NUP205: variants seen among roughly 807,000 people sequenced by gnomAD.
NUP205 encodes nuclear pore complex protein Nup205.
A neutral mutation model predicts 253.8 loss-of-function variants in NUP205; 76 were observed. The observed-to-expected ratio is 0.30, with a 90% CI of 0.25 to 0.36. The LOEUF (loss-of-function observed/expected upper bound fraction) is 0.36. Among genes scored for constraint, NUP205 ranks in the 10% least tolerant of loss-of-function variants. NUP205 has a pLI of 1.00. For synonymous variants in NUP205, 832 were observed against 850.1 expected (o/e 0.98, Z 0.37); for missense variants, 2,162 against 2,425.5 (o/e 0.89, Z 2.28).
Position 135,622,786 on chromosome 7 carries a change from C to A in NUP205, c.4340C>A (p.Thr1447Asn). Residue 1447 changes from threonine to asparagine, a missense_variant, in exon 31 of 43, where the codon ACC (threonine) becomes AAC (asparagine). Coordinates refer to ENST00000285968, the MANE Select transcript of NUP205 (RefSeq NM_015135.3). ...GTTTTAATCCTTTTAGCCAAGAAAA[C>A]CATGTGGGAAAGGCTGACAGCCCCT... Reference protein sequence around the residue: ...EPDTLEAAKKTMWERLTAPED... With the variant: ...EPDTLEAAKKNMWERLTAPED... 1 of 1,612,846 alleles carries A rather than the reference C, an allele frequency of 6.2e-7. No homozygotes were observed. Among genetic ancestry groups the A allele is most frequent in the Non-Finnish European group, 8.5e-7 (1 of 1,179,612 alleles).
Position 135,585,014 on chromosome 7 carries a change from G to C in NUP205, c.1218+7G>C, listed in dbSNP as rs1374667672. On this transcript the variant is annotated splice_region_variant and intron_variant, in intron 8 of 42. Coordinates refer to ENST00000285968, the MANE Select transcript of NUP205 (RefSeq NM_015135.3). ...TGCACTTATGCCAATGAAGGTAAGT[G>C]TAATAATGTAGGATGAGTAAATAGT... is the stretch of plus-strand genomic sequence containing the variant. The C allele has an allele frequency of 1.9e-6, 3 of 1,593,698 alleles. No individual in the cohort carries two copies. The highest frequency in any genetic ancestry group is 2.6e-6 in the Non-Finnish European group (3 of 1,163,742).
chr7:135,591,353 A>G lies in NUP205; in HGVS notation c.1474-97A>G, dbSNP rs560035786. 1.3e-4 allele frequency: 133 copies of G among 994,624 alleles called. No homozygotes were observed. The African/African-American group carries it at 1.9e-3, about 14-fold the overall frequency. The allele number at this position is 994,624 out of a possible 1,614,324, so 61.6% of individuals were successfully genotyped here. The stretch of plus-strand genomic sequence containing the variant: ...TCTGTTGCGAGGGTTAAGTCAGAGC[A>G]CTACTTTTAGTTTATATGTAGTCTT... On this transcript the variant is annotated intron_variant, in intron 10 of 42. Transcript: ENST00000285968.
intron 40 of NUP205, 143 bp downstream of exon 40, chr7:135,645,161 A>T: frequency 1.0e-6 from 1 of 954,202 alleles, no homozygotes; most frequent in Non-Finnish European, 1.6e-6. Context: ...TGTATTTCCA[A>T]ATCATAGTTT....
chr7:135,560,238 C>T (rs548602412), intron 1 of NUP205, among the ~76,000 whole-genome samples: 10 of 152,166 alleles, frequency 6.6e-5, no homozygotes, highest in African/African-American at 1.7e-4. Context: ...TCAGGTGATC[C>T]GCCTACCTCG....
intron 30 of NUP205, 118 bp from the exon 31 acceptor site, chr7:135,622,659 T>A: frequency 4.2e-6 from 4 of 955,032 alleles, no homozygotes; most frequent in Non-Finnish European, 6.1e-6. Flanking sequence ...GATGGAAGGA[T>A]TTTTTTGTTG....
At chr7:135,585,099 T>C (rs1045416577) in intron 8 of NUP205, 92 bp downstream of exon 8, 4 of 1,088,148 alleles carry the variant, frequency 3.7e-6, no homozygotes, top group Non-Finnish European at 5.1e-6. Context: ...TGGAAACTAA[T>C]AAAAATTTTT....
chr7:135,648,323 G>A, intron 42 of NUP205, 81 bp from the exon 43 acceptor site: 1 of 1,227,358 alleles, frequency 8.1e-7, no homozygotes, highest in Non-Finnish European at 1.1e-6. Flanking sequence ...AAATTCTAAA[G>A]TGTTTTAAAT....
chr7:135,573,070 A>G (rs1481343861), intron 2 of NUP205, among the ~76,000 whole-genome samples: 1 of 152,020 alleles, frequency 6.6e-6, no homozygotes, highest in African/African-American at 2.4e-5. Flanking sequence ...ACCACAGACA[A>G]GTTACCTGAC....
intron 24 of NUP205, 49 bp from the exon 25 acceptor site, chr7:135,616,606 A>T: frequency 9.0e-7 from 1 of 1,105,668 alleles, no homozygotes; most frequent in Non-Finnish European, 1.3e-6. Flanking sequence ...AAATAGTTTT[A>T]AGAGTATGTT....
At chr7:135,633,883 C>G (rs967699398) in intron 35 of NUP205, among the ~76,000 whole-genome samples, 10 of 152,200 alleles carry the variant, frequency 6.6e-5, no homozygotes, top group African/African-American at 2.4e-4. Flanking sequence ...ACAAGTTATA[C>G]TACTATCAAC....
intron 30 of NUP205, 88 bp from the exon 31 acceptor site, chr7:135,622,689 T>G: frequency 8.3e-7 from 1 of 1,200,650 alleles, no homozygotes; most frequent in East Asian, 2.4e-5. Context: ...TTTTTCTTCC[T>G]TAGCTCATAC....
In NUP205 at chr7:135,584,864, A is replaced by G. The variant is rs1806411360; in HGVS notation, c.1075A>G (p.Met359Val). The G allele has an allele frequency of 1.2e-6, 2 of 1,614,158 alleles. No homozygotes were observed. The highest frequency in any genetic ancestry group is 1.7e-6 in the Non-Finnish European group (2 of 1,179,990). ...LAEFTEADEA[M>V]AELAIADNVF... The stretch of plus-strand genomic sequence containing the variant: ...AGAATTCACAGAGGCAGATGAAGCA[A>G]TGGCAGAACTCGCAATTGCTGACAA... Residue 359 changes from methionine (M) to valine (V), a missense_variant, in exon 8 of 43, where the codon ATG (methionine) becomes GTG (valine). By Grantham distance (21) the Met-to-Val change is conservative. Transcript: ENST00000285968.
chr7:135,591,747 A>G (rs1806635130), intron 11 of NUP205, 147 bp downstream of exon 11: 2 of 639,412 alleles, frequency 3.1e-6, no homozygotes, highest in South Asian at 2.1e-5. Context: ...GGAAGCATGC[A>G]TACAGCTTTA....
At chr7:135,592,239 T>C (rs1329605885) in intron 11 of NUP205, among the ~76,000 whole-genome samples, 4 of 152,200 alleles carry the variant, frequency 2.6e-5, no homozygotes, top group African/African-American at 9.6e-5. Flanking sequence ...TGCTATGCTT[T>C]TGCTTCCGAT....
chr7:135,613,100 T>A (rs528479291), intron 22 of NUP205, among the ~76,000 whole-genome samples: 7 of 151,588 alleles, frequency 4.6e-5, no homozygotes, highest in South Asian at 4.2e-4. Flanking sequence ...AAAAAAAAAA[T>A]TTGCTGATTT....
At chr7:135,586,844 T>A (rs1315916920) in intron 8 of NUP205, among the ~76,000 whole-genome samples, 1 of 152,230 alleles carries the variant, frequency 6.6e-6, no homozygotes, top group East Asian at 1.9e-4. Context: ...GAATATGGCC[T>A]ATCTTGGTAA....
intron 1 of NUP205, among the ~76,000 whole-genome samples, chr7:135,567,425 CA>C (rs760535798): frequency 0.39 from 25,132 of 65,020 alleles, 3,133 homozygotes; most frequent in Middle Eastern, 0.5. Flanking sequence ...CTGTCTATAC[CA>C]AAAAAAAAAA....
chr7:135,629,469 A>ATCTCTCTCTCTCTCTCTCTCTC lies in NUP205; in HGVS notation c.4933-855_4933-834dup, dbSNP rs201403059. Among the ~76,000 whole-genome samples the ATCTCTCTCTCTCTCTCTCTCTC allele has an allele frequency of 1.9e-3, 231 of 119,774 alleles. 2 individuals are homozygous for ATCTCTCTCTCTCTCTCTCTCTC. The highest frequency in any genetic ancestry group is 4.1e-3 in the Middle Eastern group (1 of 244). 78.6% of individuals were successfully genotyped at this position (119,774 alleles called of 152,430 possible). A position where few individuals can be genotyped will look rare whatever the true frequency, so the allele number is the denominator to read the frequency against. On this transcript the variant is annotated intron_variant, in intron 34 of 42. Coordinates refer to ENST00000285968, the MANE Select transcript of NUP205 (RefSeq NM_015135.3). ...AGCCTGGGCAACATAGTGAGACCCT[A>ATCTCTCTCTCTCTCTCTCTCTC]TCTCTCTCTCTCTCTCTCTCTCTCT...
At position 135,633,722 on chromosome 7, in the gene NUP205, C is replaced by T. The variant is rs562687768; in HGVS notation, c.5060-1859C>T. ...CTTTCCAAAGTGTTGGGATTACAGG[C>T]GTGAGCCACTGAACCCGGCCCCATT... On this transcript the variant is annotated intron_variant, in intron 35 of 42. Transcript: ENST00000285968. Among the ~76,000 whole-genome samples the T allele has an allele frequency of 2.6e-5, 4 of 152,298 alleles. No individual in the cohort carries two copies. In the East Asian group the frequency reaches 5.8e-4, roughly 22 times the overall value.
Sources: allele counts gnomAD v4.1 joint callset (sites outside exome capture counted in the v4.1 genomes callset), GRCh38; gene constraint gnomAD v4.1.1; transcripts MANE v1.5; gene names NCBI Gene and HGNC (gene_info 2026-07-23, HGNC 2026-07-21).